Variants in CCDC7 observed in about 807,000 individuals in gnomAD.
CCDC7 encodes coiled-coil domain containing 7.
In CCDC7, 183 loss-of-function variants were observed where a neutral mutation model predicts 196.9. That is an observed-to-expected ratio of 0.93 (90% CI 0.82 to 1.05). The LOEUF is 1.05. CCDC7 is among the 50% of genes least tolerant of loss of function. The pLI is 0.00. For missense variants in CCDC7, 1,540 were observed against 1,482.2 expected (o/e 1.04, Z -0.64); for synonymous variants, 525 against 484.6 (o/e 1.08, Z -1.10).
At chr10:32,484,249 T>C (rs1015887876) in intron 8 of CCDC7, among the ~76,000 whole-genome samples, 3 of 152,168 alleles carry the variant, frequency 2.0e-5, no homozygotes, top group African/African-American at 7.2e-5. Context: ...TTTTATTCTC[T>C]TTGAAGCAAT....
intron 31 of CCDC7, among the ~76,000 whole-genome samples, chr10:32,822,422 A>G (rs954905781): frequency 1.3e-5 from 2 of 152,222 alleles, no homozygotes; most frequent in African/African-American, 4.8e-5. Context: ...AATACAGAGC[A>G]AGAATAAAAA....
intron 28 of CCDC7, among the ~76,000 whole-genome samples, chr10:32,743,976 C>T (rs1210145374): frequency 8.5e-5 from 9 of 105,872 alleles, no homozygotes; most frequent in Admixed American, 4.4e-4. Flanking sequence ...CATCACACAC[C>T]GGGGCCTGTT....
chr10:32,739,103 T>C (rs760181015), intron 28 of CCDC7, among the ~76,000 whole-genome samples: 5 of 152,136 alleles, frequency 3.3e-5, no homozygotes, highest in African/African-American at 9.6e-5. Flanking sequence ...GTATAGCATA[T>C]GATTAGGTCT....
At chr10:32,695,071 G>A in intron 24 of CCDC7, 79 bp downstream of exon 25, 2 of 651,774 alleles carry the variant, frequency 3.1e-6, no homozygotes, top group Admixed American at 3.3e-5. Context: ...TCATGACTAT[G>A]TAGTTGAGCA....
intron 28 of CCDC7, among the ~76,000 whole-genome samples, chr10:32,743,318 G>A (rs2074106262): frequency 1.3e-5 from 2 of 152,150 alleles, no homozygotes; most frequent in South Asian, 4.1e-4. Context: ...TTTGTCAGAT[G>A]AGTAGATTGC....
intron 18 of CCDC7, among the ~76,000 whole-genome samples, chr10:32,595,080 G>C (rs1031935158): frequency 6.6e-6 from 1 of 152,190 alleles, no homozygotes; most frequent in Non-Finnish European, 1.5e-5. Flanking sequence ...AATTAGGGAG[G>C]ATTCCCTCTT....
At chr10:32,555,927 T>C (rs2054270567) in intron 13 of CCDC7, among the ~76,000 whole-genome samples, 1 of 152,196 alleles carries the variant, frequency 6.6e-6, no homozygotes, top group South Asian at 2.1e-4. Context: ...TCTAGTCTCT[T>C]ATCTTCCAGG....
At chr10:32,661,803 G>T (rs1192061482) in intron 20 of CCDC7, among the ~76,000 whole-genome samples, 2 of 152,228 alleles carry the variant, frequency 1.3e-5, no homozygotes, top group African/African-American at 4.8e-5. Flanking sequence ...CAAGAAGAAG[G>T]TCTTTTTTGG....
rs1564374121 is a variant in CCDC7 at position 32,471,121 on chromosome 10, AT to A, written c.572del (p.Leu191Ter). 3 of 1,612,464 alleles carry A rather than the reference AT, an allele frequency of 1.9e-6. No individual in the cohort carries two copies. In the South Asian group the frequency reaches 3.3e-5, roughly 18 times the overall value. On this transcript the variant is annotated frameshift_variant, in exon 6 of 42. Transcript: ENST00000639629. LOFTEE classifies it high-confidence loss of function. ...GCCTCCAAAACCTGACAAAACAGTCATTTTAAATATTGCAGAAATAGTAAGG... is the reference window on the plus strand; with the variant it reads ...GCCTCCAAAACCTGACAAAACAGTCATTTAAATATTGCAGAAATAGTAAGG...
intron 18 of CCDC7, among the ~76,000 whole-genome samples, chr10:32,585,218 C>G (rs1009922933): frequency 6.6e-6 from 1 of 151,986 alleles, no homozygotes. Context: ...GGACTACAGG[C>G]GCATGCCGCC....
intron 8 of CCDC7, among the ~76,000 whole-genome samples, chr10:32,478,627 G>C (rs1421013321): frequency 6.6e-6 from 1 of 151,984 alleles, no homozygotes; most frequent in East Asian, 1.9e-4. Context: ...TTGAATATTG[G>C]ACTAGCCTTA....
intron 18 of CCDC7, among the ~76,000 whole-genome samples, chr10:32,613,237 A>G (rs1302196634): frequency 1.3e-5 from 2 of 152,024 alleles, no homozygotes; most frequent in Non-Finnish European, 2.9e-5. Context: ...CTCTGAGGGT[A>G]GTTTATATTT....
chr10:32,495,602 C>T (rs960938736), intron 9 of CCDC7, among the ~76,000 whole-genome samples: 2 of 152,184 alleles, frequency 1.3e-5, no homozygotes, highest in African/African-American at 2.4e-5. Flanking sequence ...TTTTAGTTTT[C>T]TGCCTATGGC....
intron 20 of CCDC7, among the ~76,000 whole-genome samples, chr10:32,644,895 T>C (rs1210959451): frequency 5.9e-5 from 9 of 152,204 alleles, no homozygotes; most frequent in Admixed American, 5.9e-4. Context: ...CATGAAAGTG[T>C]ACGAATACAA....
At chr10:32,628,471 C>T (rs1044100770) in intron 18 of CCDC7, among the ~76,000 whole-genome samples, 1 of 151,634 alleles carries the variant, frequency 6.6e-6, no homozygotes, top group South Asian at 2.1e-4. Context: ...TTTCATTGTT[C>T]TTTTGTATTG....
At chr10:32,556,914 T>C (rs2054450596) in intron 13 of CCDC7, among the ~76,000 whole-genome samples, 1 of 152,238 alleles carries the variant, frequency 6.6e-6, no homozygotes, top group Non-Finnish European at 1.5e-5. Flanking sequence ...AGTTACTTAG[T>C]CCCATCCCAT....
At chr10:32,729,908 T>C (rs1254394993) in intron 28 of CCDC7, among the ~76,000 whole-genome samples, 1 of 152,178 alleles carries the variant, frequency 6.6e-6, no homozygotes, top group African/African-American at 2.4e-5. Flanking sequence ...GTTTTTTTCA[T>C]CATATTATGT....
chr10:32,498,571 A>C (rs1332818443), intron 9 of CCDC7, among the ~76,000 whole-genome samples: 1 of 152,126 alleles, frequency 6.6e-6, no homozygotes, highest in Non-Finnish European at 1.5e-5. Context: ...ATGTAAAGGC[A>C]GGCCTGGTGG....
At chr10:32,871,171 A>G (rs993178398) in intron 41 of CCDC7, among the ~76,000 whole-genome samples, 1 of 152,162 alleles carries the variant, frequency 6.6e-6, no homozygotes, top group Non-Finnish European at 1.5e-5. Context: ...TTTCAGAAGG[A>G]ATGGTACCAG....
Sources: gnomAD v4.1 joint callset for allele counts (sites outside exome capture counted in the v4.1 genomes callset) on GRCh38, gnomAD v4.1.1 for gene constraint, MANE v1.5 for transcripts, NCBI Gene and HGNC (gene_info 2026-07-23, HGNC 2026-07-21) for gene names.